NRG1: variants seen among roughly 807,000 people sequenced by gnomAD.
NRG1 encodes neuregulin 1, also known as pro-neuregulin-1, membrane-bound isoform.
A neutral mutation model predicts 63.8 loss-of-function variants in NRG1; 18 were observed. The observed-to-expected ratio is 0.28, with a 90% confidence interval of 0.19 to 0.42. The LOEUF is 0.42. Ranked by LOEUF, NRG1 falls within the 10% of genes least tolerant of loss-of-function variation. The probability of loss-of-function intolerance (pLI) is 1.00; values close to 1 mark genes in which losing one functional copy is unlikely to be tolerated. For missense variants in NRG1, 762 were observed against 814.7 expected, an observed-to-expected ratio of 0.94 and a Z score of 0.79; for synonymous variants, 302 against 301.3, an observed-to-expected ratio of 1.00 and a Z score of -0.02.
At chr8:31,751,623 A>G (rs1198389984) in intron 1 of NRG1, among the ~76,000 whole-genome samples, 3 of 151,964 alleles carry the variant, frequency 2.0e-5, no homozygotes, top group African/African-American at 7.2e-5. Context: ...TCAATACATT[A>G]TTATAGTTGT....
intron 5 of NRG1, among the ~76,000 whole-genome samples, chr8:32,706,544 T>C (rs1304031264): frequency 1.2e-5 from 1 of 83,168 alleles, no homozygotes; most frequent in Non-Finnish European, 3.0e-5. Flanking sequence ...AGTGCATGGG[T>C]ATATATAGGT....
chr8:31,969,649 C>T (rs1806951032), intron 1 of NRG1, among the ~76,000 whole-genome samples: 1 of 152,162 alleles, frequency 6.6e-6, no homozygotes, highest in Admixed American at 6.5e-5. Context: ...AGATGCATGT[C>T]CTTCTTGCAC....
intron 1 of NRG1, among the ~76,000 whole-genome samples, chr8:32,401,820 C>G (rs73250454): frequency 0.015 from 2,272 of 152,230 alleles, 55 homozygotes; most frequent in African/African-American, 0.047. Flanking sequence ...ATAATCTGTA[C>G]GTCAAATGCC....
intron 1 of NRG1, among the ~76,000 whole-genome samples, chr8:31,907,748 C>T (rs1035971223): frequency 5.3e-5 from 8 of 152,100 alleles, no homozygotes; most frequent in Admixed American, 5.2e-4. Context: ...AATTATTAAA[C>T]TCAATCCCCC....
At position 31,996,425 on chromosome 8, in the gene NRG1, G is replaced by A. The variant is rs78633060; in HGVS notation, c.37+356994G>A. Among the ~76,000 whole-genome samples the A allele has an allele frequency of 2.0e-5, 3 of 152,032 alleles. No homozygotes were observed. In the East Asian group the frequency reaches 5.8e-4, roughly 30 times the overall value. The stretch of plus-strand genomic sequence containing the variant: ...AATGACACATAAAGAGGAAGCAAGT[G>A]ATTACTGACTTACTGGAAATCCCAG... On this transcript the variant is annotated intron_variant, in intron 1 of 10. Transcript: ENST00000519301.
At chr8:32,715,849 G>T (rs1819075152) in intron 5 of NRG1, among the ~76,000 whole-genome samples, 1 of 152,066 alleles carries the variant, frequency 6.6e-6, no homozygotes, top group Non-Finnish European at 1.5e-5. Flanking sequence ...TTGCAATATT[G>T]GTCAGGCTGG....
chr8:32,308,984 A>C (rs1856523810), intron 1 of NRG1, among the ~76,000 whole-genome samples: 1 of 152,048 alleles, frequency 6.6e-6, no homozygotes, highest in South Asian at 2.1e-4. Flanking sequence ...CCAGTTTTCA[A>C]TTTTTATTTG....
intron 1 of NRG1, among the ~76,000 whole-genome samples, chr8:31,774,928 C>A (rs533092018): frequency 1.3e-4 from 20 of 152,062 alleles, no homozygotes; most frequent in African/African-American, 3.9e-4. Flanking sequence ...GTCACACACA[C>A]AAAAAAACCC....
intron 1 of NRG1, among the ~76,000 whole-genome samples, chr8:32,016,291 C>T (rs2130082820): frequency 6.6e-6 from 1 of 152,154 alleles, no homozygotes; most frequent in Non-Finnish European, 1.5e-5. Context: ...TCGAATTCCT[C>T]ACCTCAAGCA....
chr8:31,819,589 T>C (rs1823807293), intron 1 of NRG1, among the ~76,000 whole-genome samples: 1 of 152,350 alleles, frequency 6.6e-6, no homozygotes, highest in South Asian at 2.1e-4. Flanking sequence ...TTGTTAGGTC[T>C]TGAATTTGGA....
intron 1 of NRG1, among the ~76,000 whole-genome samples, chr8:32,318,237 T>A (rs1352799133): frequency 6.6e-6 from 1 of 152,216 alleles, no homozygotes; most frequent in Non-Finnish European, 1.5e-5. Context: ...GAGTGATTCT[T>A]GTAATAAGAG....
At chr8:31,947,944 C>CAAAAAAA (rs55953491) in intron 1 of NRG1, among the ~76,000 whole-genome samples, 4 of 32,966 alleles carry the variant, frequency 1.2e-4, no homozygotes, top group African/African-American at 2.6e-4. Flanking sequence ...GACTCCATCT[C>CAAAAAAA]AAAAAAAAAA....
intron 1 of NRG1, among the ~76,000 whole-genome samples, chr8:32,003,199 G>A (rs1586401869): frequency 6.6e-6 from 1 of 151,984 alleles, no homozygotes; most frequent in African/African-American, 2.4e-5. Flanking sequence ...TCCATCCTGT[G>A]ATAAATATGT....
chr8:32,350,724 A>G (rs1805493297), intron 1 of NRG1, among the ~76,000 whole-genome samples: 1 of 152,012 alleles, frequency 6.6e-6, no homozygotes, highest in Non-Finnish European at 1.5e-5. Flanking sequence ...TATATCCTGT[A>G]TAATAAAATA....
chr8:31,905,023 T>A (rs1832405282), intron 1 of NRG1, among the ~76,000 whole-genome samples: 1 of 141,962 alleles, frequency 7.0e-6, no homozygotes, highest in South Asian at 2.1e-4. Context: ...CAAAATAAAG[T>A]TTTTTTAAAA....
chr8:32,445,761 T>C (rs2129487735), intron 1 of NRG1, among the ~76,000 whole-genome samples: 1 of 152,288 alleles, frequency 6.6e-6, no homozygotes, highest in South Asian at 2.1e-4. Context: ...ATAATTGATA[T>C]TCACAAACCA....
chr8:31,890,739 A>G (rs1407694156), intron 1 of NRG1, among the ~76,000 whole-genome samples: 1 of 152,218 alleles, frequency 6.6e-6, no homozygotes, highest in Non-Finnish European at 1.5e-5. Flanking sequence ...CATAGGAATG[A>G]CAATCACAGT....
At chr8:32,422,389 A>T (rs1369855784) in intron 1 of NRG1, among the ~76,000 whole-genome samples, 2 of 152,206 alleles carry the variant, frequency 1.3e-5, no homozygotes, top group Admixed American at 1.3e-4. Context: ...ATATCAATAT[A>T]ATTTATCAGC....
At chr8:31,890,758 C>T (rs576048426) in intron 1 of NRG1, among the ~76,000 whole-genome samples, 47 of 152,322 alleles carry the variant, frequency 3.1e-4, no homozygotes, top group African/African-American at 1.1e-3. Flanking sequence ...GTCAAGTTTT[C>T]AATCTGCATC....
Sources: gnomAD v4.1 joint callset for allele counts (sites outside exome capture counted in the v4.1 genomes callset) on GRCh38, gnomAD v4.1.1 for gene constraint, MANE v1.5 for transcripts, NCBI Gene and HGNC (gene_info 2026-07-23, HGNC 2026-07-21) for gene names.